Variants in SNX24 observed in about 807,000 individuals in gnomAD.
The protein encoded by SNX24 is sorting nexin 24, also known as sorting nexin-24.
In SNX24, 22 loss-of-function variants were observed where a neutral mutation model predicts 28.7. That is an observed-to-expected ratio of 0.77 (90% CI 0.55 to 1.10). The LOEUF is 1.10. SNX24 is among the 50% of genes least tolerant of loss of function. The probability of loss-of-function intolerance (pLI) is 0.00; values close to 1 mark genes in which losing one functional copy is unlikely to be tolerated. For synonymous variants in SNX24, 69 were observed against 71.5 expected (o/e 0.96, Z 0.18); for missense variants, 221 against 201.1 (o/e 1.10, Z -0.60).
chr5:123,021,341 G>A (rs1363760877), intron 5 of SNX24, among the ~76,000 whole-genome samples: 6 of 152,214 alleles, frequency 3.9e-5, no homozygotes, highest in South Asian at 4.1e-4. Flanking sequence ...GTTAATGAAC[G>A]AGTCTGCCAG....
At chr5:122,961,699 CA>C in intron 3 of SNX24, among the ~76,000 whole-genome samples, 1 of 152,140 alleles carries the variant, frequency 6.6e-6, no homozygotes, top group East Asian at 1.9e-4. Flanking sequence ...TTAAGAAAAG[CA>C]AACCACCATC....
At position 122,997,556 on chromosome 5, in the gene SNX24, AAG is replaced by A. The variant is rs1469680155; in HGVS notation, c.250-2355_250-2354del. The stretch of plus-strand genomic sequence containing the variant: ...GCCGTAGATGTAGCCAGTGCATTGT[AAG>A]CCGATCTGTCAAGGCAAATAAACAA... On this transcript the variant is annotated intron_variant, in intron 3 of 6. Transcript: ENST00000261369. Among the ~76,000 whole-genome samples the A allele has an allele frequency of 5.3e-5, 8 of 152,308 alleles. No homozygotes were observed. In the East Asian group the frequency reaches 1.5e-3, roughly 29 times the overall value.
intron 5 of SNX24, among the ~76,000 whole-genome samples, chr5:123,015,405 G>T (rs1762662592): frequency 6.6e-6 from 1 of 152,212 alleles, no homozygotes; most frequent in Non-Finnish European, 1.5e-5. Context: ...TTGCTCACCA[G>T]TCTGACAAAG....
intron 1 of SNX24, among the ~76,000 whole-genome samples, chr5:122,919,816 G>A (rs184795080): frequency 3.9e-5 from 6 of 152,212 alleles, no homozygotes; most frequent in Admixed American, 1.3e-4. Flanking sequence ...CTGGCTACAC[G>A]GTTCACATGC....
rs371345107 is a variant in SNX24 at position 122,927,153 on chromosome 5, TA to T, written c.61-9578del. 1.9e-4 allele frequency among the ~76,000 whole-genome samples: 29 copies of T among 152,336 alleles called. 2 individuals are homozygous for T. In the South Asian group the frequency reaches 2.7e-3, roughly 14 times the overall value. On this transcript the variant is annotated intron_variant, in intron 1 of 6. Transcript: ENST00000261369. ...CAAACCTATGTGATAGGTGCCATTA[TA>T]AACTCCATGTTATAGGTGAGGAAAC... is the stretch of plus-strand genomic sequence containing the variant.
At chr5:122,884,831 G>C (rs1251258334) in intron 1 of SNX24, among the ~76,000 whole-genome samples, 2 of 152,076 alleles carry the variant, frequency 1.3e-5, no homozygotes, top group African/African-American at 4.8e-5. Context: ...TCTAGCAGAA[G>C]GTATGTAGTC....
chr5:122,927,593 T>C lies in SNX24; in HGVS notation c.61-9141T>C, dbSNP rs565948537. The stretch of plus-strand genomic sequence containing the variant: ...GGTATAGTGTAAGACCTGAAAACCA[T>C]GTCATCTGAAAGACAGGTATAGGAG... On this transcript the variant is annotated intron_variant, in intron 1 of 6. Coordinates refer to ENST00000261369, the MANE Select transcript of SNX24 (RefSeq NM_014035.4). Among the ~76,000 whole-genome samples, 41 of 152,278 alleles carry C rather than the reference T, an allele frequency of 2.7e-4. No individual in the cohort carries two copies. The Middle Eastern group carries it at 0.017, about 63-fold the overall frequency.
intron 3 of SNX24, among the ~76,000 whole-genome samples, chr5:122,975,902 C>A (rs544849529): frequency 2.6e-5 from 4 of 152,116 alleles, no homozygotes; most frequent in Non-Finnish European, 5.9e-5. Context: ...TTGTAGCAAC[C>A]TTTTGAGAAA....
At chr5:122,904,548 T>G (rs928112465) in intron 1 of SNX24, among the ~76,000 whole-genome samples, 4 of 152,168 alleles carry the variant, frequency 2.6e-5, no homozygotes, top group African/African-American at 9.7e-5. Flanking sequence ...TTTAATTATT[T>G]TAAGTTCTTT....
intron 6 of SNX24, among the ~76,000 whole-genome samples, chr5:123,004,024 T>G (rs1239103045): frequency 3.9e-5 from 6 of 152,234 alleles, no homozygotes; most frequent in Non-Finnish European, 7.3e-5. Flanking sequence ...GAAACTTTAC[T>G]TGCATCACAT....
chr5:122,930,740 T>A (rs1758915737), intron 1 of SNX24, among the ~76,000 whole-genome samples: 2 of 152,232 alleles, frequency 1.3e-5, no homozygotes, highest in Non-Finnish European at 2.9e-5. Context: ...ATGATCTTCC[T>A]GACGTTCTTT....
Position 122,879,092 on chromosome 5 carries a change from A to G in SNX24, c.60+33399A>G, listed in dbSNP as rs116290909. 1.0e-3 allele frequency among the ~76,000 whole-genome samples: 155 copies of G among 152,356 alleles called. 1 individual carries two copies. Among genetic ancestry groups the G allele is most frequent in the Non-Finnish European group, 1.7e-3 (119 of 68,034 alleles). ...GTAATAATATATTTGATTTAATGCAATAAATCCAAAGTATTATTCTAACAT... is the reference window on the plus strand; with the variant it reads ...GTAATAATATATTTGATTTAATGCAGTAAATCCAAAGTATTATTCTAACAT... On this transcript the variant is annotated intron_variant, in intron 1 of 6. Transcript: ENST00000261369.
intron 1 of SNX24, among the ~76,000 whole-genome samples, chr5:122,868,076 A>G (rs748210873): frequency 6.6e-6 from 1 of 152,256 alleles, no homozygotes; most frequent in Non-Finnish European, 1.5e-5. Flanking sequence ...TAATACCTGT[A>G]TATCATGTAG....
intron 1 of SNX24, among the ~76,000 whole-genome samples, chr5:122,857,169 G>T (rs576336464): frequency 6.6e-6 from 1 of 151,792 alleles, no homozygotes. Flanking sequence ...ACACCACCAC[G>T]CCCGGCTAAT....
intron 4 of SNX24, 43 bp downstream of exon 4, chr5:123,000,049 T>C (rs902994007): frequency 7.9e-7 from 1 of 1,263,962 alleles, no homozygotes; most frequent in African/African-American, 1.5e-5. Context: ...TTTAAATTAC[T>C]CTTCAATGAC....
downstream of SNX24, among the ~76,000 whole-genome samples, chr5:123,011,303 C>T (rs1465998864): frequency 1.3e-5 from 2 of 152,172 alleles, no homozygotes; most frequent in South Asian, 2.1e-4. Flanking sequence ...GGACTGTCTT[C>T]GATGCTACCT....
intron 3 of SNX24, among the ~76,000 whole-genome samples, chr5:122,953,251 C>G (rs1020607931): frequency 6.6e-6 from 1 of 152,002 alleles, no homozygotes; most frequent in African/African-American, 2.4e-5. Flanking sequence ...ATTACAGGCA[C>G]CTGCCACCAT....
chr5:122,903,874 TACTC>T (rs1458967931), intron 1 of SNX24, among the ~76,000 whole-genome samples: 2 of 152,156 alleles, frequency 1.3e-5, no homozygotes, highest in African/African-American at 4.8e-5. Context: ...CTAATTAAAA[TACTC>T]TATTTACAGA....
At chr5:122,957,776 C>T (rs891944827) in intron 3 of SNX24, among the ~76,000 whole-genome samples, 5 of 152,056 alleles carry the variant, frequency 3.3e-5, no homozygotes, top group African/African-American at 9.7e-5. Context: ...ATTTTATTCT[C>T]TTTGATGCTA....
Sources: allele counts gnomAD v4.1 joint callset (sites outside exome capture counted in the v4.1 genomes callset), GRCh38; gene constraint gnomAD v4.1.1; transcripts MANE v1.5; gene names NCBI Gene and HGNC (gene_info 2026-07-23, HGNC 2026-07-21).